The following CPLX2 variants were observed in gnomAD, a reference collection of about 807,000 sequenced individuals.
CPLX2 encodes the protein complexin-2.
Under a neutral mutation model 16.3 loss-of-function variants are expected in CPLX2, and 5 were observed. The ratio of observed to expected loss-of-function variants is 0.31; its 90% confidence interval spans 0.16 to 0.64. CPLX2 has a LOEUF of 0.64. Among genes scored for constraint, CPLX2 ranks in the 30% least tolerant of loss-of-function variants. The pLI, the probability that CPLX2 is intolerant of heterozygous loss-of-function variation, is 0.79. For missense variants in CPLX2, 144 were observed against 181.4 expected (o/e 0.79, Z 1.18); for synonymous variants, 89 against 73.2 (o/e 1.22, Z -1.10).
intron 1 of CPLX2, among the ~76,000 whole-genome samples, chr5:175,876,388 G>A (rs1759755884): frequency 6.6e-6 from 1 of 152,088 alleles, no homozygotes; most frequent in East Asian, 1.9e-4. Context: ...CAGGGGCTGA[G>A]GTCAGAGTTA....
rs1290058568 is a variant in CPLX2 at position 175,845,018 on chromosome 5, A to G, written c.-88-33634A>G. On this transcript the variant is annotated intron_variant, in intron 2 of 4. Coordinates refer to the CPLX2 transcript ENST00000359546. The surrounding 1 kb of genome is among the most constrained non-coding windows in gnomAD (Gnocchi z 4.0). ...TGCCCCTCTGCCCAGAACATTCCCT[A>G]ACAAGGACCAGTTCTTAGAAGGGGA... Among the ~76,000 whole-genome samples the G allele has an allele frequency of 6.6e-6, 1 of 152,178 alleles. No individual in the cohort carries two copies. Among genetic ancestry groups the G allele is most frequent in the Non-Finnish European group, 1.5e-5 (1 of 68,030 alleles).
intron 2 of CPLX2, among the ~76,000 whole-genome samples, chr5:175,858,267 C>A (rs1176289042): frequency 6.6e-6 from 1 of 152,188 alleles, no homozygotes; most frequent in Non-Finnish European, 1.5e-5. Flanking sequence ...GAGCTGGTGC[C>A]TGTGGTGGAC....
chr5:175,848,197 A>C (rs1002800898), intron 2 of CPLX2, among the ~76,000 whole-genome samples: 2 of 152,164 alleles, frequency 1.3e-5, no homozygotes, highest in Non-Finnish European at 2.9e-5. Context: ...GGGGCAGGGA[A>C]GCCAGACACA....
chr5:175,867,493 T>C (rs1367188435), upstream of CPLX2, among the ~76,000 whole-genome samples: 1 of 152,160 alleles, frequency 6.6e-6, no homozygotes, highest in Admixed American at 6.5e-5. Context: ...GCACAGTCTA[T>C]GTAAATGGTG....
intron 1 of CPLX2, among the ~76,000 whole-genome samples, chr5:175,800,909 A>G (rs890735): frequency 0.81 from 123,649 of 152,102 alleles, 50,330 homozygotes; most frequent in East Asian, 0.86. Context: ...TGAATGACAA[A>G]AGTCAGTCAT....
intron 2 of CPLX2, among the ~76,000 whole-genome samples, chr5:175,818,279 T>C (rs558591380): frequency 6.6e-6 from 1 of 151,774 alleles, no homozygotes; most frequent in East Asian, 1.9e-4. Context: ...GGCATAGAGG[T>C]GAAAATCAGC....
chr5:175,806,508 G>T (rs1039657030), intron 1 of CPLX2, among the ~76,000 whole-genome samples: 1 of 152,026 alleles, frequency 6.6e-6, no homozygotes, highest in Non-Finnish European at 1.5e-5. Context: ...TTTTGTTTTT[G>T]AGACAGAGTT....
intron 2 of CPLX2, among the ~76,000 whole-genome samples, chr5:175,817,684 C>T (rs2113640568): frequency 6.6e-6 from 1 of 152,314 alleles, no homozygotes; most frequent in South Asian, 2.1e-4. Context: ...GCCTGGCTCA[C>T]TTCCCCACCT....
intron 2 of CPLX2, among the ~76,000 whole-genome samples, chr5:175,819,933 A>G (rs1158635535): frequency 6.6e-6 from 1 of 152,202 alleles, no homozygotes; most frequent in Non-Finnish European, 1.5e-5. Flanking sequence ...AGCTACAAGG[A>G]CATCTATCTC....
chr5:175,871,485 G>GAGAGAGAGAT (rs1561790514), upstream of CPLX2: 6 of 149,402 alleles, frequency 4.0e-5, no homozygotes, highest in Non-Finnish European at 7.4e-5. Flanking sequence ...GAGAGAGAGA[G>GAGAGAGAGAT]ATTTGAATTT....
intron 2 of CPLX2, among the ~76,000 whole-genome samples, chr5:175,836,194 C>T (rs1581083947): frequency 6.6e-6 from 1 of 151,906 alleles, no homozygotes; most frequent in Non-Finnish European, 1.5e-5. Context: ...ACTAAAAATA[C>T]AAAAAATTAG....
chr5:175,869,685 G>A (rs1406525840), upstream of CPLX2, among the ~76,000 whole-genome samples: 2 of 152,132 alleles, frequency 1.3e-5, no homozygotes, highest in Non-Finnish European at 2.9e-5. Flanking sequence ...CTTTCTTCCA[G>A]GTGAAAGATC....
At chr5:175,802,124 A>T (rs1392977615) in intron 1 of CPLX2, among the ~76,000 whole-genome samples, 1 of 152,182 alleles carries the variant, frequency 6.6e-6, no homozygotes, top group Non-Finnish European at 1.5e-5. Context: ...TGTGGGGTAC[A>T]TTGCTGAATT....
chr5:175,829,863 G>A (rs1206918568), intron 2 of CPLX2, among the ~76,000 whole-genome samples: 1 of 152,212 alleles, frequency 6.6e-6, no homozygotes, highest in Non-Finnish European at 1.5e-5. Flanking sequence ...AGACCTAGCT[G>A]GGGCCACAGA....
rs1336624081 is a variant in CPLX2 at position 175,845,350 on chromosome 5, T to A, written c.-88-33302T>A. On this transcript the variant is annotated intron_variant, in intron 2 of 4. Transcript: ENST00000359546. The surrounding 1 kb of genome is among the most constrained non-coding windows in gnomAD (Gnocchi z 4.0). ...CCTGGCTCCTGCGGCCTCTCCGGCC[T>A]CATTTCCTCAACTCTGCCCCTGCTC... Among the ~76,000 whole-genome samples the A allele has an allele frequency of 6.6e-6, 1 of 152,186 alleles. No homozygotes were observed. Among genetic ancestry groups the A allele is most frequent in the African/African-American group, 2.4e-5 (1 of 41,450 alleles).
rs1369610767 is a variant in CPLX2 at position 175,880,177 on chromosome 5, G to A, written c.*132G>A. 6.3e-6 allele frequency: 6 copies of A among 954,882 alleles called. No homozygotes were observed. Among genetic ancestry groups the A allele is most frequent in the Non-Finnish European group, 9.9e-6 (6 of 603,208 alleles). 59.2% of individuals were successfully genotyped at this position (954,882 alleles called of 1,614,324 possible). On this transcript the variant is annotated 3_prime_UTR_variant, in exon 4 of 4. Transcript: ENST00000393745. Reference sequence around the variant, plus strand: ...GCCTCTGCCCCTCTTCCCTGGCCAGGGGCTTCTCCCCCTCAGCTCTCCCTC... The same window carrying A: ...GCCTCTGCCCCTCTTCCCTGGCCAGAGGCTTCTCCCCCTCAGCTCTCCCTC...
At chr5:175,825,515 A>C (rs1758596707) in intron 2 of CPLX2, among the ~76,000 whole-genome samples, 1 of 152,062 alleles carries the variant, frequency 6.6e-6, no homozygotes, top group East Asian at 1.9e-4. Context: ...CCAGAGTGTG[A>C]GATCTGATTG....
chr5:175,797,204 C>T (rs538131302), intron 1 of CPLX2, among the ~76,000 whole-genome samples: 1 of 152,308 alleles, frequency 6.6e-6, no homozygotes, highest in African/African-American at 2.4e-5. Flanking sequence ...AACAAAGCCG[C>T]GGGTCTGGGG....
At chr5:175,870,777 C>T (rs1271815716), upstream of CPLX2, among the ~76,000 whole-genome samples, 1 of 152,160 alleles carries the variant, frequency 6.6e-6, no homozygotes, top group South Asian at 2.1e-4. Flanking sequence ...AGTCCTTATT[C>T]TTCACAGGAT....
Sources: allele counts gnomAD v4.1 joint callset (sites outside exome capture counted in the v4.1 genomes callset), GRCh38; gene constraint gnomAD v4.1.1; non-coding constraint Gnocchi (gnomAD v3.1); transcripts MANE v1.5; gene names NCBI Gene and HGNC (gene_info 2026-07-23, HGNC 2026-07-21).